FLT3LG: variants seen among roughly 807,000 people sequenced by gnomAD.
FLT3LG encodes fms-related tyrosine kinase 3 ligand.
A neutral mutation model predicts 30.9 loss-of-function variants in FLT3LG; 8 were observed. The ratio of observed to expected loss-of-function variants is 0.26; its 90% CI spans 0.15 to 0.47. The LOEUF (loss-of-function observed/expected upper bound fraction) is 0.47. Ranked by LOEUF, FLT3LG falls within the 20% of genes least tolerant of loss-of-function variation. The pLI is 0.99. For missense variants in FLT3LG, 278 were observed against 306.2 expected, an observed-to-expected ratio of 0.91 and a Z score of 0.69; for synonymous variants, 123 against 135.9, an observed-to-expected ratio of 0.91 and a Z score of 0.66.
rs374337774 is a variant in FLT3LG at position 49,478,914 on chromosome 19, C to A, written c.348C>A (p.Pro116=). ...TCTCCCTCCCCTGCTCCCAGCCCCC[C>A]CCCAGCTGTCTTCGCTTCGTCCAGA... ...HFVTKCAFQP[P]PSCLRFVQTN... Residue 116 remains proline (P), a synonymous_variant, in exon 6 of 9, where the codon CCC becomes CCA. Coordinates refer to ENST00000597551, the MANE Select transcript of FLT3LG (RefSeq NM_001459.4). 1.8e-4 allele frequency: 278 copies of A among 1,537,120 alleles called. No individual in the cohort carries two copies. The highest frequency in any genetic ancestry group is 8.5e-4 in the South Asian group (70 of 82,494).
At chr19:49,480,740 AC>A (rs1259815638) in intron 8 of FLT3LG, 120 bp downstream of exon 8, 1 of 1,102,102 alleles carries the variant, frequency 9.1e-7, no homozygotes, top group Non-Finnish European at 1.3e-6. Flanking sequence ...GTGCAGAAAG[AC>A]CCCTCTGGGG....
At chr19:49,479,633 C>G (rs1322312046) in intron 6 of FLT3LG, 4 of 199,944 alleles carry the variant, frequency 2.0e-5, no homozygotes, top group African/African-American at 4.9e-5. Context: ...TCCCCAGCAG[C>G]TGGGACTACA....
In FLT3LG at chr19:49,478,936, C is replaced by G. The variant is rs1313329523; in HGVS notation, c.370C>G (p.Gln124Glu). ...CCCCCCCAGCTGTCTTCGCTTCGTC[C>G]AGACCAACATCTCCCGCCTCCTGCA... ...QPPPSCLRFV[Q>E]TNISRLLQET... The change falls in exon 6 of 9, where the codon CAG becomes GAG. Residue 124 changes from glutamine to glutamate, a missense_variant. Coordinates refer to ENST00000597551, the MANE Select transcript of FLT3LG (RefSeq NM_001459.4). 1 of 1,559,070 alleles carries G rather than the reference C, an allele frequency of 6.4e-7. No individual in the cohort carries two copies. Among genetic ancestry groups the G allele is most frequent in the Middle Eastern group, 1.7e-4 (1 of 5,928 alleles).
chr19:49,484,730 C>T (rs941347205), intron 8 of FLT3LG, among the ~76,000 whole-genome samples: 2 of 151,940 alleles, frequency 1.3e-5, no homozygotes, highest in African/African-American at 2.4e-5. Flanking sequence ...CTCCTGACCT[C>T]GTGATCTGCC....
intron 6 of FLT3LG, 116 bp downstream of exon 6, chr19:49,479,163 CT>C: frequency 2.2e-6 from 2 of 929,226 alleles, no homozygotes; most frequent in Non-Finnish European, 2.9e-6. Context: ...CAAGGGCAAG[CT>C]TATTCCTCTT....
At chr19:49,480,135 G>A (rs1200936528) in intron 6 of FLT3LG, among the ~76,000 whole-genome samples, 163 bp from the exon 7 acceptor site, 1 of 152,234 alleles carries the variant, frequency 6.6e-6, no homozygotes, top group Non-Finnish European at 1.5e-5. Flanking sequence ...ACAGTCTGAT[G>A]AGGTAGGTAC....
chr19:49,484,077 G>A (rs2079711190), intron 8 of FLT3LG, among the ~76,000 whole-genome samples: 1 of 150,834 alleles, frequency 6.6e-6, no homozygotes. Flanking sequence ...TAGAGGTAGG[G>A]TTTCACTATG....
intron 8 of FLT3LG, among the ~76,000 whole-genome samples, chr19:49,483,120 A>G (rs573967953): frequency 1.3e-5 from 2 of 151,870 alleles, no homozygotes; most frequent in East Asian, 1.9e-4. Context: ...CGTATAGTTT[A>G]TTTATTTATT....
chr19:49,485,519 C>G (rs1327838077), intron 8 of FLT3LG, among the ~76,000 whole-genome samples: 2 of 152,266 alleles, frequency 1.3e-5, no homozygotes, highest in Middle Eastern at 6.8e-3. Context: ...ACCTCCGCCT[C>G]CCGGGTTCAA....
chr19:49,479,088 C>T (rs757285563), intron 6 of FLT3LG, 41 bp downstream of exon 6: 2 of 1,569,538 alleles, frequency 1.3e-6, no homozygotes, highest in Non-Finnish European at 1.7e-6. Context: ...CCCTCCTGTC[C>T]TCACGGCCGC....
At chr19:49,477,269 C>T (rs2079425919) in intron 5 of FLT3LG, among the ~76,000 whole-genome samples, 1 of 151,920 alleles carries the variant, frequency 6.6e-6, no homozygotes, top group Non-Finnish European at 1.5e-5. Flanking sequence ...AGTGAAACCT[C>T]ATCTCTGCAC....
chr19:49,479,098 C>G, intron 6 of FLT3LG, 51 bp downstream of exon 6: 1 of 1,548,214 alleles, frequency 6.5e-7, no homozygotes, highest in Non-Finnish European at 8.8e-7. Context: ...CTCACGGCCG[C>G]TCCTCCTCTC....
In FLT3LG at chr19:49,476,285, C is replaced by A; in HGVS notation, c.198+87C>A. 6.9e-7 allele frequency: 1 copy of A among 1,443,852 alleles called. No individual in the cohort carries two copies. The allele number at this position is 1,443,852 out of a possible 1,614,324, so 89.4% of individuals were successfully genotyped here. A position where few individuals can be genotyped will look rare whatever the true frequency, so the allele number is the denominator to read the frequency against. On this transcript the variant is annotated intron_variant, in intron 4 of 8. Coordinates refer to ENST00000597551, the MANE Select transcript of FLT3LG (RefSeq NM_001459.4). The surrounding 1 kb of genome is among the most constrained non-coding windows in gnomAD (Gnocchi z 5.3). The stretch of plus-strand genomic sequence containing the variant: ...CGAGGCGAGTGGATAACCAGGCCCT[C>A]CCCTCCCCAAACCCAGGAATCAGAG...
Position 49,476,652 on chromosome 19 carries a change from G to A in FLT3LG, c.342+86G>A. On this transcript the variant is annotated intron_variant, in intron 5 of 8. Transcript: ENST00000597551. This position sits in a 1 kb window ranked among gnomAD's most constrained non-coding sequence, Gnocchi z 5.3. The stretch of plus-strand genomic sequence containing the variant: ...TAAAGCTCCACTAGGCCTTATTGGC[G>A]ATTTGGACCATAGCCACCCAACGAA... 8 of 1,568,112 alleles carry A rather than the reference G, an allele frequency of 5.1e-6. No homozygotes were observed. The highest frequency in any genetic ancestry group is 7.0e-6 in the Non-Finnish European group (8 of 1,149,546).
In FLT3LG at chr19:49,476,767, T is replaced by G; in HGVS notation, c.342+201T>G. ...GGTGATGGGGAGCAGTCTGGTCCCA[T>G]TCTGGGGCCCCGGTTTCCTAGGCCA... is the stretch of plus-strand genomic sequence containing the variant. On this transcript the variant is annotated intron_variant, in intron 5 of 8. Transcript: ENST00000597551. The surrounding 1 kb of genome is among the most constrained non-coding windows in gnomAD (Gnocchi z 5.3). 1.6e-6 allele frequency: 1 copy of G among 643,388 alleles called. No homozygotes were observed. Among genetic ancestry groups the G allele is most frequent in the Non-Finnish European group, 2.5e-6 (1 of 394,472 alleles). 39.9% of individuals were successfully genotyped at this position (643,388 alleles called of 1,614,324 possible). A position where few individuals can be genotyped will look rare whatever the true frequency, so the allele number is the denominator to read the frequency against.
At chr19:49,478,213 A>G (rs1322898975) in intron 5 of FLT3LG, among the ~76,000 whole-genome samples, 1 of 151,994 alleles carries the variant, frequency 6.6e-6, no homozygotes, top group African/African-American at 2.4e-5. Flanking sequence ...TCACGCCTGT[A>G]ATCCCACACT....
chr19:49,478,979 T>A lies in FLT3LG; in HGVS notation c.413T>A (p.Leu138Gln). Residue 138 changes from leucine to glutamine, a missense_variant, in exon 6 of 9, where the codon CTG (leucine) becomes CAG (glutamine). By Grantham distance (113) the Leu-to-Gln change is moderately radical (BLOSUM62 -2). Transcript: ENST00000597551. Reference sequence around the variant, plus strand: ...CTCCTGCAGGAGACCTCCGAGCAGCTGGTGGCGCTGAAGCCCTGGATCACT... The same window carrying A: ...CTCCTGCAGGAGACCTCCGAGCAGCAGGTGGCGCTGAAGCCCTGGATCACT... ...SRLLQETSEQ[L>Q]VALKPWITRQ... The A allele has an allele frequency of 6.2e-7, 1 of 1,600,394 alleles. No homozygotes were observed. Among genetic ancestry groups the A allele is most frequent in the Non-Finnish European group, 8.5e-7 (1 of 1,173,540 alleles).
intron 8 of FLT3LG, among the ~76,000 whole-genome samples, chr19:49,485,639 C>T (rs1228115071): frequency 1.3e-5 from 2 of 152,144 alleles, no homozygotes; most frequent in Non-Finnish European, 2.9e-5. Flanking sequence ...GCCTCGACCT[C>T]CTAAAGTGCT....
intron 8 of FLT3LG, among the ~76,000 whole-genome samples, chr19:49,484,637 C>T (rs938159871): frequency 1.4e-4 from 22 of 151,870 alleles, no homozygotes; most frequent in Non-Finnish European, 2.6e-4. Context: ...GCTGGGATTA[C>T]AGGCACACAC....
Sources: gnomAD v4.1 joint callset for allele counts (sites outside exome capture counted in the v4.1 genomes callset) on GRCh38, gnomAD v4.1.1 for gene constraint, Gnocchi (gnomAD v3.1) non-coding constraint, MANE v1.5 for transcripts, NCBI Gene and HGNC (gene_info 2026-07-23, HGNC 2026-07-21) for gene names.